The following GAN variants were observed in gnomAD, a reference collection of about 807,000 sequenced individuals.
GAN encodes the protein gigaxonin.
Under a neutral mutation model 71.3 loss-of-function variants are expected in GAN, and 48 were observed. That is an observed-to-expected ratio of 0.67 (90% CI 0.53 to 0.86). The LOEUF is 0.86. Ranked by LOEUF, GAN falls within the 40% of genes least tolerant of loss-of-function variation. GAN has a pLI of 0.00. For synonymous variants in GAN, 386 were observed against 276.8 expected (o/e 1.39, Z -3.92); for missense variants, 928 against 770.1 (o/e 1.21, Z -2.43).
At chr16:81,355,402 C>G (rs1567491838) in intron 3 of GAN, among the ~76,000 whole-genome samples, 1 of 152,188 alleles carries the variant, frequency 6.6e-6, no homozygotes, top group Non-Finnish European at 1.5e-5. Flanking sequence ...GTCTCCCAGG[C>G]TGAAGGGCAG....
intron 1 of GAN, among the ~76,000 whole-genome samples, chr16:81,336,006 T>A (rs1413811462): frequency 1.3e-5 from 2 of 152,154 alleles, no homozygotes; most frequent in Admixed American, 6.5e-5. Context: ...GTGAGGCTGA[T>A]GGTGGTTCCC....
rs569008014 is a variant in GAN, at chr16:81,379,266, C to T, written c.*1670C>T. On this transcript the variant is annotated 3_prime_UTR_variant, in exon 11 of 11. Coordinates refer to ENST00000648994, the MANE Select transcript of GAN (RefSeq NM_022041.4). ...CCTGTGATTTTTTTTCTTATACCTG[C>T]TGGAAGTCAGTACAATGCGTCAAAA... is the stretch of plus-strand genomic sequence containing the variant. 1.3e-5 allele frequency: 2 copies of T among 152,216 alleles called. No individual in the cohort carries two copies. The highest frequency in any genetic ancestry group is 4.1e-4 in the South Asian group (2 of 4,824). The allele number at this position is 152,216 out of a possible 1,614,324, so 9.4% of individuals were successfully genotyped here.
chr16:81,376,626 A>G (rs1055764123), intron 9 of GAN, among the ~76,000 whole-genome samples: 3 of 148,266 alleles, frequency 2.0e-5, no homozygotes, highest in South Asian at 2.1e-4. Flanking sequence ...ATGTATATAT[A>G]CATACATATA....
intron 1 of GAN, among the ~76,000 whole-genome samples, chr16:81,331,165 A>G (rs968279402): frequency 6.6e-6 from 1 of 152,244 alleles, no homozygotes; most frequent in Non-Finnish European, 1.5e-5. Flanking sequence ...TGCTCGCACC[A>G]CTGCGCTCTA....
chr16:81,382,867 C>G lies in GAN; in HGVS notation c.*5271C>G, dbSNP rs1904312543. 1 of 152,170 alleles carries G rather than the reference C, an allele frequency of 6.6e-6. No homozygotes were observed. The highest frequency in any genetic ancestry group is 2.1e-4 in the South Asian group (1 of 4,822). 9.4% of individuals were successfully genotyped at this position (152,170 alleles called of 1,614,324 possible). A position where few individuals can be genotyped will look rare whatever the true frequency, so the allele number is the denominator to read the frequency against. ...CATTTTAAACATATTTCAATATTGT[C>G]TCATTGTAATAGTTCCATTTATGTG... is the stretch of plus-strand genomic sequence containing the variant. On this transcript the variant is annotated 3_prime_UTR_variant, in exon 11 of 11. Transcript: ENST00000648994.
intron 1 of GAN, among the ~76,000 whole-genome samples, chr16:81,335,576 A>G (rs1420192618): frequency 1.3e-5 from 2 of 151,950 alleles, no homozygotes; most frequent in East Asian, 1.9e-4. Context: ...GTGAAACCCC[A>G]TCTCTACTAA....
intron 1 of GAN, among the ~76,000 whole-genome samples, chr16:81,341,322 A>T (rs1385598728): frequency 6.6e-6 from 1 of 152,154 alleles, no homozygotes; most frequent in African/African-American, 2.4e-5. Flanking sequence ...CGAGAAGAGC[A>T]ACCCCAAGAC....
Position 81,386,376 on chromosome 16 carries a change from T to G in GAN, c.*8780T>G, listed in dbSNP as rs1904401664. 1 of 152,228 alleles carries G rather than the reference T, an allele frequency of 6.6e-6. No homozygotes were observed. Among genetic ancestry groups the G allele is most frequent in the Admixed American group, 6.5e-5 (1 of 15,282 alleles). The allele number at this position is 152,228 out of a possible 1,614,324, so 9.4% of individuals were successfully genotyped here. On this transcript the variant is annotated 3_prime_UTR_variant, in exon 11 of 11. Transcript: ENST00000648994. ...TCTTAACTTGGATGTTACATGAAAC[T>G]TAAAAACAAACAAATATGTGTTACA...
intron 3 of GAN, among the ~76,000 whole-genome samples, chr16:81,356,203 C>G (rs187755928): frequency 6.6e-6 from 1 of 151,924 alleles, no homozygotes; most frequent in Admixed American, 6.6e-5. Flanking sequence ...TTATAAAATA[C>G]TTTCGTCAGT....
At chr16:81,372,406 G>C (rs756777371) in intron 9 of GAN, among the ~76,000 whole-genome samples, 49 of 152,302 alleles carry the variant, frequency 3.2e-4, no homozygotes, top group Non-Finnish European at 5.3e-4. Context: ...CGACAGATGA[G>C]GAAGCAGGCT....
At chr16:81,348,868 A>G (rs753129491) in intron 1 of GAN, among the ~76,000 whole-genome samples, 7 of 152,144 alleles carry the variant, frequency 4.6e-5, no homozygotes, top group Admixed American at 2.0e-4. Context: ...TCTTGCTTGG[A>G]AGATATGTTC....
chr16:81,327,807 G>A (rs1909438598), intron 1 of GAN, among the ~76,000 whole-genome samples: 1 of 150,868 alleles, frequency 6.6e-6, no homozygotes, highest in African/African-American at 2.5e-5. Flanking sequence ...CAAAGTGAAG[G>A]GGCTTATTCT....
intron 9 of GAN, among the ~76,000 whole-genome samples, chr16:81,372,698 A>G (rs1401848235): frequency 6.6e-6 from 1 of 152,336 alleles, no homozygotes; most frequent in East Asian, 1.9e-4. Context: ...CCGGGGATGA[A>G]CTATGTTGGT....
At chr16:81,342,105 C>T (rs561385897) in intron 1 of GAN, among the ~76,000 whole-genome samples, 35 of 152,246 alleles carry the variant, frequency 2.3e-4, no homozygotes, top group Non-Finnish European at 3.7e-4. Flanking sequence ...CATATCCACC[C>T]AATACAGGAG....
rs1464828609 is a variant in GAN, at chr16:81,377,972, C to T, written c.*376C>T. ...CTGACTGCTGTATTCAAATACGTAG[C>T]TTTGGTAACAAACAAAATCCGTATA... On this transcript the variant is annotated 3_prime_UTR_variant, in exon 11 of 11. Transcript: ENST00000648994. 1.4e-5 allele frequency: 4 copies of T among 291,292 alleles called. No homozygotes were observed. Among genetic ancestry groups the T allele is most frequent in the South Asian group, 1.2e-4 (3 of 24,932 alleles). 18.0% of individuals were successfully genotyped at this position (291,292 alleles called of 1,614,324 possible).
At chr16:81,364,726 C>A (rs947394618) in intron 7 of GAN, among the ~76,000 whole-genome samples, 4 of 152,156 alleles carry the variant, frequency 2.6e-5, no homozygotes, top group African/African-American at 9.7e-5. Flanking sequence ...TTTTGAACTT[C>A]TTTCAGTTAG....
chr16:81,355,215 C>T (rs1397308820), intron 3 of GAN, among the ~76,000 whole-genome samples: 5 of 152,102 alleles, frequency 3.3e-5, no homozygotes, highest in South Asian at 4.1e-4. Flanking sequence ...ATTGACACCA[C>T]GCAGGAGAAA....
At chr16:81,358,163 A>G (rs1271075406) in intron 5 of GAN, among the ~76,000 whole-genome samples, 2 of 152,188 alleles carry the variant, frequency 1.3e-5, no homozygotes, top group Non-Finnish European at 2.9e-5. Context: ...CTGGAGAAGC[A>G]GTTACTTGAT....
At chr16:81,357,454 GCATAGTATTC>G (rs1014579025) in intron 4 of GAN, among the ~76,000 whole-genome samples, 8 of 152,284 alleles carry the variant, frequency 5.3e-5, no homozygotes, top group African/African-American at 1.7e-4. Context: ...TTTTATGGCT[GCATAGTATTC>G]CATGGTGTAT....
Sources: allele counts gnomAD v4.1 joint callset (sites outside exome capture counted in the v4.1 genomes callset), GRCh38; gene constraint gnomAD v4.1.1; transcripts MANE v1.5; gene names NCBI Gene and HGNC (gene_info 2026-07-23, HGNC 2026-07-21).